DNAJC21: variants seen among roughly 807,000 people sequenced by gnomAD.
The protein encoded by DNAJC21 is dnaJ homolog subfamily C member 21.
DNAJC21 carries 63 observed loss-of-function variants against 72.4 expected under a neutral mutation model. The observed-to-expected ratio is 0.87, with a 90% CI of 0.71 to 1.07. The LOEUF (loss-of-function observed/expected upper bound fraction) is 1.07, where lower values mean the gene tolerates loss of function less well. DNAJC21 is among the 50% of genes least tolerant of loss of function. The pLI is 0.00. For missense variants in DNAJC21, 634 were observed against 644.8 expected (o/e 0.98, Z 0.18); for synonymous variants, 203 against 216.7 (o/e 0.94, Z 0.56).
intron 10 of DNAJC21, chr5:34,951,226 C>T: frequency 1.0e-6 from 1 of 985,432 alleles, no homozygotes; most frequent in Non-Finnish European, 1.2e-6. Context: ...CTTTGAAGAA[C>T]TTTGGAGAGT....
rs1395254155 is a variant in DNAJC21 at position 34,950,286 on chromosome 5, T to C, written c.1302T>C (p.Asn434=). 2 of 1,613,696 alleles carry C rather than the reference T, an allele frequency of 1.2e-6. No homozygotes were observed. Among genetic ancestry groups the C allele is most frequent in the Non-Finnish European group, 1.7e-6 (2 of 1,179,886 alleles). The change falls in exon 10 of 12, where the codon AAT becomes AAC. Residue 434 remains asparagine (N), a synonymous_variant. Transcript: ENST00000648817. The part of the protein sequence containing the change: ...AKELEDSPQE[N]VSVTEIIKPC... ...AATTGGAAGATAGTCCCCAGGAAAA[T>C]GTCAGTGTCACAGAGATCATTAAAC...
chr5:34,936,141 T>A lies in DNAJC21; in HGVS notation c.316-3T>A. The A allele has an allele frequency of 6.2e-7, 1 of 1,605,456 alleles. No individual in the cohort carries two copies. Among genetic ancestry groups the A allele is most frequent in the Middle Eastern group, 1.7e-4 (1 of 6,016 alleles). On this transcript the variant is annotated splice_polypyrimidine_tract_variant and splice_region_variant and intron_variant, in intron 3 of 11. Transcript: ENST00000648817. ...AGAATTTGTTTTTGTTACTGTTTTT[T>A]AGGGATTTTACACGGTGTATCGTAA...
At chr5:34,939,763 T>C (rs1764926321) in intron 6 of DNAJC21, among the ~76,000 whole-genome samples, 2 of 152,222 alleles carry the variant, frequency 1.3e-5, no homozygotes, top group South Asian at 4.1e-4. Context: ...GCACAGGTAT[T>C]TGACTACCTT....
At chr5:34,936,453 G>A (rs1764780571) in intron 4 of DNAJC21, among the ~76,000 whole-genome samples, 187 bp downstream of exon 4, 1 of 152,100 alleles carries the variant, frequency 6.6e-6, no homozygotes, top group Non-Finnish European at 1.5e-5. Context: ...TGAGTAGCTG[G>A]GAACACAAGT....
intron 9 of DNAJC21, among the ~76,000 whole-genome samples, chr5:34,947,654 A>ATTTTTTTTTTTTTTTTT (rs1328671559): frequency 9.7e-6 from 1 of 103,412 alleles, no homozygotes; most frequent in Non-Finnish European, 2.2e-5. Flanking sequence ...AGTTTTCACC[A>ATTTTTTTTTTTTTTTTT]TGTTTTTTTT....
In DNAJC21 at chr5:34,957,225, C is replaced by G. The variant is rs79960923; in HGVS notation, c.*2511C>G. ...AAAATACATGGGCATGCATCTTACACTGATCTTATTAGAGGTCAGTGCTAA... is the reference window on the plus strand; with the variant it reads ...AAAATACATGGGCATGCATCTTACAGTGATCTTATTAGAGGTCAGTGCTAA... On this transcript the variant is annotated 3_prime_UTR_variant, in exon 12 of 12. Transcript: ENST00000648817. 599 of 152,324 alleles carry G rather than the reference C, an allele frequency of 3.9e-3. 3 individuals carry two copies. Among genetic ancestry groups the G allele is most frequent in the African/African-American group, 0.014 (583 of 41,578 alleles). 9.4% of individuals were successfully genotyped at this position (152,324 alleles called of 1,614,324 possible). A position where few individuals can be genotyped will look rare whatever the true frequency, so the allele number is the denominator to read the frequency against.
At chr5:34,949,184 A>T (rs1200567448) in intron 9 of DNAJC21, among the ~76,000 whole-genome samples, 1 of 152,208 alleles carries the variant, frequency 6.6e-6, no homozygotes, top group Non-Finnish European at 1.5e-5. Flanking sequence ...ATATCACTGA[A>T]AAATGACAAA....
chr5:34,953,347 C>T (rs1025980302), intron 10 of DNAJC21, among the ~76,000 whole-genome samples: 1 of 151,856 alleles, frequency 6.6e-6, no homozygotes, highest in Non-Finnish European at 1.5e-5. Context: ...CTGCAGTCTC[C>T]ACCTCCTGGG....
At chr5:34,934,388 A>G (rs1580523670) in intron 2 of DNAJC21, among the ~76,000 whole-genome samples, 1 of 147,424 alleles carries the variant, frequency 6.8e-6, no homozygotes, top group African/African-American at 2.5e-5. Context: ...GCCACCACAC[A>G]CCTGTATTTT....
In DNAJC21 at chr5:34,938,962, C is replaced by T. The variant is rs758003234; in HGVS notation, c.848C>T (p.Ser283Leu). The T allele has an allele frequency of 1.3e-5, 21 of 1,613,250 alleles. No individual in the cohort carries two copies. The African/African-American group carries it at 1.9e-4, about 14-fold the overall frequency. Reference sequence around the variant, plus strand: ...TACGAGAAGGAGTTTGGAGATGGATCGGATGAAAATGAAATGGAAGAACAT... The same window carrying T: ...TACGAGAAGGAGTTTGGAGATGGATTGGATGAAAATGAAATGGAAGAACAT... ...ARYEKEFGDG[S>L]DENEMEEHEL... The change falls in exon 6 of 12, where the codon TCG (serine) becomes TTG (leucine). Residue 283 changes from serine to leucine, a missense_variant. Ser to Leu is a moderately radical substitution (Grantham distance 145). Transcript: ENST00000648817.
intron 10 of DNAJC21, chr5:34,950,636 G>T: frequency 2.9e-6 from 3 of 1,036,226 alleles, no homozygotes; most frequent in Non-Finnish European, 3.5e-6. Flanking sequence ...ATTTTGTCGT[G>T]GATCATTAAC....
At chr5:34,941,873 T>G (rs766835787) in intron 7 of DNAJC21, among the ~76,000 whole-genome samples, 4 of 150,260 alleles carry the variant, frequency 2.7e-5, no homozygotes, top group Admixed American at 6.6e-5. Flanking sequence ...GGCCCTTGTG[T>G]TTTTTTTTGA....
intron 10 of DNAJC21, 102 bp from the exon 11 acceptor site, chr5:34,953,824 A>C: frequency 1.6e-6 from 1 of 627,100 alleles, no homozygotes; most frequent in Non-Finnish European, 2.5e-6. Context: ...ATTAACTTTT[A>C]AAGTGCAGTT....
At chr5:34,949,838 T>G (rs1249249407) in intron 9 of DNAJC21, among the ~76,000 whole-genome samples, 1 of 152,218 alleles carries the variant, frequency 6.6e-6, no homozygotes, top group East Asian at 1.9e-4. Context: ...TAATAAAGAA[T>G]TAAATTGTGA....
intron 3 of DNAJC21, 94 bp downstream of exon 3, chr5:34,935,927 G>T: frequency 6.5e-7 from 1 of 1,534,594 alleles, no homozygotes. Flanking sequence ...GTAATAGAAA[G>T]TGAAGCAGTG....
chr5:34,944,899 G>T lies in DNAJC21; in HGVS notation c.1016G>T (p.Arg339Leu), dbSNP rs142389949. 4.8e-5 allele frequency: 77 copies of T among 1,613,938 alleles called. No individual in the cohort carries two copies. The highest frequency in any genetic ancestry group is 6.4e-5 in the Non-Finnish European group (76 of 1,180,016). ...AATCACGAGAAGTCAAAGAAGCATC[G>T]GGAAATGGTGGCCTTGCTAAAACAA... ...MKNHEKSKKHREMVALLKQQL... is the reference protein window; with the variant it reads ...MKNHEKSKKHLEMVALLKQQL... The change falls in exon 8 of 12, where the codon CGG becomes CTG. Residue 339 changes from arginine to leucine, a missense_variant. Arg to Leu is a moderately radical substitution (Grantham distance 102). Transcript: ENST00000648817.
At chr5:34,946,998 G>A (rs1223351703) in intron 9 of DNAJC21, among the ~76,000 whole-genome samples, 1 of 152,138 alleles carries the variant, frequency 6.6e-6, no homozygotes, top group Non-Finnish European at 1.5e-5. Flanking sequence ...CTAGCTTGAT[G>A]TAACACTTTT....
intron 6 of DNAJC21, among the ~76,000 whole-genome samples, 153 bp from the exon 7 acceptor site, chr5:34,940,943 A>G (rs1764965463): frequency 6.6e-6 from 1 of 152,212 alleles, no homozygotes; most frequent in Non-Finnish European, 1.5e-5. Context: ...CTTTCCTTAT[A>G]GTACAGTGCT....
At position 34,929,703 on chromosome 5, in the gene DNAJC21, G is replaced by A. The variant is rs1764509700; in HGVS notation, c.-117G>A. ...CCGGGCTCGCTGGCTGGCCCGGTGCGGGCGGCGGACTCCCGCCGGAGAGGA... is the reference window on the plus strand; with the variant it reads ...CCGGGCTCGCTGGCTGGCCCGGTGCAGGCGGCGGACTCCCGCCGGAGAGGA... On this transcript the variant is annotated 5_prime_UTR_variant, in exon 1 of 12. Coordinates refer to ENST00000648817, the MANE Select transcript of DNAJC21 (RefSeq NM_001012339.3). The A allele has an allele frequency of 3.4e-6, 1 of 295,772 alleles. No homozygotes were observed. The highest frequency in any genetic ancestry group is 5.0e-6 in the Non-Finnish European group (1 of 199,208). 18.3% of individuals were successfully genotyped at this position (295,772 alleles called of 1,614,324 possible).
Sources: allele counts gnomAD v4.1 joint callset (sites outside exome capture counted in the v4.1 genomes callset), GRCh38; gene constraint gnomAD v4.1.1; transcripts MANE v1.5; gene names NCBI Gene and HGNC (gene_info 2026-07-23, HGNC 2026-07-21).